The following DSCAM variants were observed in gnomAD, a reference collection of about 807,000 sequenced individuals.
The protein encoded by DSCAM is DS cell adhesion molecule.
In DSCAM, 47 loss-of-function variants were observed where a neutral mutation model predicts 217.7. That is an observed-to-expected ratio of 0.22 (90% CI 0.17 to 0.28). The LOEUF is 0.28. Ranked by LOEUF, DSCAM falls within the 10% of genes least tolerant of loss-of-function variation. The probability of loss-of-function intolerance (pLI) is 1.00; values close to 1 mark genes in which losing one functional copy is unlikely to be tolerated. For missense variants in DSCAM, 2,080 were observed against 2,618.3 expected, an observed-to-expected ratio of 0.79 and a Z score of 4.49; for synonymous variants, 1,056 against 1,015.3, an observed-to-expected ratio of 1.04 and a Z score of -0.76.
At chr21:40,523,943 C>A (rs1568876597) in intron 3 of DSCAM, among the ~76,000 whole-genome samples, 3 of 152,096 alleles carry the variant, frequency 2.0e-5, no homozygotes, top group Admixed American at 2.0e-4. Context: ...AAAACACGAG[C>A]CACACCCCCA....
rs747284196 is a variant in DSCAM at position 40,189,086 on chromosome 21, C to T, written c.2509G>A (p.Val837Met). 5 of 1,614,048 alleles carry T rather than the reference C, an allele frequency of 3.1e-6. No homozygotes were observed. The highest frequency in any genetic ancestry group is 4.2e-6 in the Non-Finnish European group (5 of 1,180,040). ...TCTTCTCCCACCTCCTTGGTGGACA[C>T]AAGATAACGGGCCATCTCAGGGTTA... The part of the protein sequence containing the change: ...IINPEMARYL[V>M]STKEVGEEVI... The change falls in exon 12 of 33, where the codon GTG (valine) becomes ATG (methionine). Residue 837 changes from valine (V) to methionine (M), a missense_variant. By Grantham distance (21) the Val-to-Met change is conservative. Transcript: ENST00000400454.
At chr21:40,055,269 TTTAAGTG>T (rs772379383) in intron 29 of DSCAM, among the ~76,000 whole-genome samples, 184 of 152,336 alleles carry the variant, frequency 1.2e-3, no homozygotes, top group Admixed American at 2.0e-3. Context: ...CATGTGTTTG[TTTAAGTG>T]TTAAGTACAG....
Position 40,028,716 on chromosome 21 carries a change from A to G in DSCAM, c.5686+13655T>C, listed in dbSNP as rs113080207. ...CCTCGCTCTGCTTCGGCTCACGCAC[A>G]GTGTGCGCACCCACTGTCTGGCACT... On this transcript the variant is annotated intron_variant, in intron 32 of 32. Coordinates refer to ENST00000400454, the MANE Select transcript of DSCAM (RefSeq NM_001389.5). Among the ~76,000 whole-genome samples, 433 of 151,912 alleles carry G rather than the reference A, an allele frequency of 2.9e-3. 6 individuals are homozygous for G. The highest frequency in any genetic ancestry group is 8.5e-3 in the African/African-American group (352 of 41,478).
intron 16 of DSCAM, among the ~76,000 whole-genome samples, chr21:40,156,691 C>T (rs1425285578): frequency 6.6e-6 from 1 of 152,252 alleles, no homozygotes; most frequent in East Asian, 1.9e-4. Context: ...TTCCCAGAGA[C>T]TTGTTAAATT....
intron 16 of DSCAM, among the ~76,000 whole-genome samples, chr21:40,162,803 C>A (rs1428593490): frequency 1.3e-5 from 2 of 152,032 alleles, no homozygotes; most frequent in Non-Finnish European, 2.9e-5. Flanking sequence ...TAAAATTATT[C>A]TCAGGATTTT....
intron 1 of DSCAM, among the ~76,000 whole-genome samples, chr21:40,788,890 T>C (rs997821185): frequency 1.3e-5 from 2 of 152,230 alleles, no homozygotes; most frequent in Non-Finnish European, 2.9e-5. Flanking sequence ...TACTGTTTTA[T>C]GGATTTCAGC....
At chr21:40,617,119 C>CT (rs1178735630) in intron 3 of DSCAM, among the ~76,000 whole-genome samples, 10,900 of 112,638 alleles carry the variant, frequency 0.097, 839 homozygotes, top group African/African-American at 0.16. Context: ...CAGAACCAGT[C>CT]TTTTTTTTTT....
chr21:40,552,001 T>C (rs1392205847), intron 3 of DSCAM, among the ~76,000 whole-genome samples: 1 of 152,114 alleles, frequency 6.6e-6, no homozygotes, highest in Non-Finnish European at 1.5e-5. Context: ...TGTAAAGAGA[T>C]AAACTCAGAA....
intron 3 of DSCAM, among the ~76,000 whole-genome samples, chr21:40,630,053 T>C (rs865804761): frequency 2.6e-5 from 4 of 152,272 alleles, no homozygotes; most frequent in Middle Eastern, 3.4e-3. Context: ...TAAATGCTGA[T>C]GGATGTCTAC....
intron 8 of DSCAM, among the ~76,000 whole-genome samples, chr21:40,315,403 CAA>C (rs72266206): frequency 3.3e-5 from 4 of 121,242 alleles, no homozygotes; most frequent in Admixed American, 1.7e-4. Context: ...AACTCCGTCT[CAA>C]AAAAAAAAAA....
intron 1 of DSCAM, among the ~76,000 whole-genome samples, chr21:40,807,667 A>C (rs2091800223): frequency 1.3e-5 from 2 of 152,198 alleles, no homozygotes; most frequent in African/African-American, 4.8e-5. Context: ...AAATAAAAAG[A>C]AGCCATCTTT....
At chr21:40,394,705 G>A (rs1430519792) in intron 3 of DSCAM, among the ~76,000 whole-genome samples, 1 of 152,146 alleles carries the variant, frequency 6.6e-6, no homozygotes, top group Non-Finnish European at 1.5e-5. Context: ...TTCCCTAGAG[G>A]GAGCCTTGAT....
At chr21:40,230,232 T>C (rs1345473280) in intron 11 of DSCAM, among the ~76,000 whole-genome samples, 1 of 152,240 alleles carries the variant, frequency 6.6e-6, no homozygotes, top group Non-Finnish European at 1.5e-5. Flanking sequence ...TTCTATCTGC[T>C]TTTGTTTTCT....
At chr21:40,550,353 C>T (rs1195021207) in intron 3 of DSCAM, among the ~76,000 whole-genome samples, 7 of 152,100 alleles carry the variant, frequency 4.6e-5, no homozygotes, top group South Asian at 2.1e-4. Flanking sequence ...GGCAAAATCC[C>T]GTCTCTACTA....
chr21:40,119,548 G>A (rs2090009043), intron 20 of DSCAM, among the ~76,000 whole-genome samples: 1 of 152,026 alleles, frequency 6.6e-6, no homozygotes, highest in South Asian at 2.1e-4. Context: ...TACATTATAA[G>A]AACAGATTCA....
intron 1 of DSCAM, among the ~76,000 whole-genome samples, chr21:40,790,617 G>A (rs2091633692): frequency 6.6e-6 from 1 of 152,188 alleles, no homozygotes; most frequent in African/African-American, 2.4e-5. Flanking sequence ...TTGACTTGTG[G>A]AGGGAGTAAT....
chr21:40,537,172 T>C (rs1304467503), intron 3 of DSCAM, among the ~76,000 whole-genome samples: 2 of 152,208 alleles, frequency 1.3e-5, no homozygotes, highest in Non-Finnish European at 2.9e-5. Flanking sequence ...TTGATTAATT[T>C]ATTGTTTAAC....
At chr21:40,385,167 A>G (rs1937886674) in intron 3 of DSCAM, 1 of 152,170 alleles carries the variant, frequency 6.6e-6, no homozygotes, top group Admixed American at 6.5e-5. Context: ...TTGTTTTTCA[A>G]ACTTACATAA....
intron 3 of DSCAM, among the ~76,000 whole-genome samples, chr21:40,630,091 T>C (rs1345244252): frequency 2.0e-5 from 3 of 152,032 alleles, no homozygotes; most frequent in Non-Finnish European, 4.4e-5. Context: ...AGAGGTGTGG[T>C]GGCCAGGAAA....
Sources: gnomAD v4.1 joint callset for allele counts (sites outside exome capture counted in the v4.1 genomes callset) on GRCh38, gnomAD v4.1.1 for gene constraint, MANE v1.5 for transcripts, NCBI Gene and HGNC (gene_info 2026-07-23, HGNC 2026-07-21) for gene names.